The following DNAJB6 variants were observed in gnomAD, a reference collection of about 807,000 sequenced individuals.
DNAJB6 encodes the protein dnaJ homolog subfamily B member 6.
DNAJB6 carries 16 observed loss-of-function variants against 42.7 expected under a neutral mutation model. That is an observed-to-expected ratio of 0.37 (90% confidence interval 0.25 to 0.57). DNAJB6 has a LOEUF of 0.57. DNAJB6 is among the 20% of genes least tolerant of loss of function. DNAJB6 has a pLI of 0.74. For synonymous variants in DNAJB6, 170 were observed against 163.5 expected (o/e 1.04, Z -0.30); for missense variants, 347 against 416.8 (o/e 0.83, Z 1.46).
intron 5 of DNAJB6, chr7:157,369,085 A>C (rs1219976490): frequency 1.6e-5 from 6 of 365,118 alleles, no homozygotes; most frequent in Non-Finnish European, 3.2e-5. Flanking sequence ...CAGTGGCCTC[A>C]AGCATTTTCA....
chr7:157,352,104 A>G (rs1184563863), intron 1 of DNAJB6, among the ~76,000 whole-genome samples: 1 of 151,780 alleles, frequency 6.6e-6, no homozygotes, highest in Non-Finnish European at 1.5e-5. Context: ...GGCTGAGGTG[A>G]GCGGATAACG....
At chr7:157,362,877 A>G (rs1799673525) in intron 2 of DNAJB6, among the ~76,000 whole-genome samples, 2 of 152,190 alleles carry the variant, frequency 1.3e-5, no homozygotes, top group African/African-American at 2.4e-5. Flanking sequence ...TGGTGTGATC[A>G]TAGCTCACTG....
chr7:157,370,708 C>G (rs1000697851), intron 5 of DNAJB6: 5 of 152,624 alleles, frequency 3.3e-5, no homozygotes, highest in Non-Finnish European at 7.3e-5. Flanking sequence ...AGACCAGGTA[C>G]CCTGTGTTTC....
intron 8 of DNAJB6, among the ~76,000 whole-genome samples, chr7:157,397,998 C>T (rs560864988): frequency 2.0e-5 from 3 of 152,212 alleles, no homozygotes; most frequent in African/African-American, 4.8e-5. Flanking sequence ...GGCAGCAGAG[C>T]GAGACTCTTG....
At chr7:157,372,792 A>C (rs1800281395) in intron 5 of DNAJB6, among the ~76,000 whole-genome samples, 1 of 152,154 alleles carries the variant, frequency 6.6e-6, no homozygotes, top group South Asian at 2.1e-4. Context: ...TGTGAGACCC[A>C]GGTATTGCAG....
At chr7:157,365,172 T>C (rs1461725308) in intron 3 of DNAJB6, among the ~76,000 whole-genome samples, 4 of 152,260 alleles carry the variant, frequency 2.6e-5, no homozygotes. Context: ...CAGGCTGGTC[T>C]TGAACTCCTG....
In DNAJB6 at chr7:157,390,911, C is replaced by G. The variant is rs73505221; in HGVS notation, c.691+5300C>G. On this transcript the variant is annotated intron_variant, in intron 8 of 9. Transcript: ENST00000262177. ...AGTACAGTGGTGCAGTCACAGCTCT[C>G]TGTAGCCTTCAACTCCTGGGCTCAA... 5.2e-3 allele frequency among the ~76,000 whole-genome samples: 798 copies of G among 152,314 alleles called. 6 individuals are homozygous for G. The highest frequency in any genetic ancestry group is 0.018 in the African/African-American group (764 of 41,558).
Position 157,355,781 on chromosome 7 carries a change from A to G in DNAJB6, c.-26-2766A>G, listed in dbSNP as rs116449923. On this transcript the variant is annotated intron_variant, in intron 1 of 9. Transcript: ENST00000262177. ...GTAGGGTAGCCTTCATTTGGTAAGG[A>G]AACTAGCCATTTGATGGAGTGCTGC... 4.2e-3 allele frequency among the ~76,000 whole-genome samples: 645 copies of G among 152,250 alleles called. 5 individuals carry two copies. The highest frequency in any genetic ancestry group is 0.015 in the African/African-American group (615 of 41,546).
At chr7:157,395,192 G>A (rs759737615) in intron 8 of DNAJB6, among the ~76,000 whole-genome samples, 1 of 152,184 alleles carries the variant, frequency 6.6e-6, no homozygotes, top group Non-Finnish European at 1.5e-5. Flanking sequence ...ATACTTGAGA[G>A]CACTACGTTT....
At chr7:157,386,993 A>T (rs1801096233) in intron 8 of DNAJB6, among the ~76,000 whole-genome samples, 1 of 152,170 alleles carries the variant, frequency 6.6e-6, no homozygotes. Context: ...GTGAATATTG[A>T]ACTAGACTTT....
chr7:157,342,402 A>G (rs1798444925), intron 1 of DNAJB6, among the ~76,000 whole-genome samples: 1 of 130,940 alleles, frequency 7.6e-6, no homozygotes, highest in African/African-American at 3.0e-5. Context: ...CAGTGGTGCA[A>G]TCTCAGCTCA....
At chr7:157,339,027 AT>A (rs1798199912) in intron 1 of DNAJB6, among the ~76,000 whole-genome samples, 1 of 152,138 alleles carries the variant, frequency 6.6e-6, no homozygotes, top group African/African-American at 2.4e-5. Flanking sequence ...TTGGGAAGTA[AT>A]TCTGGCTGTA....
intron 5 of DNAJB6, among the ~76,000 whole-genome samples, chr7:157,374,295 C>T (rs1320064587): frequency 2.0e-5 from 3 of 152,172 alleles, no homozygotes; most frequent in Non-Finnish European, 1.5e-5. Context: ...GAGTCTCACT[C>T]TGTCGCCCAG....
intron 1 of DNAJB6, among the ~76,000 whole-genome samples, chr7:157,348,135 C>T (rs868724219): frequency 1.3e-5 from 2 of 150,626 alleles, no homozygotes; most frequent in African/African-American, 4.9e-5. Context: ...CTCTGTGGCT[C>T]AGGCTGGAGT....
chr7:157,400,303 G>C (rs375096899), intron 8 of DNAJB6, among the ~76,000 whole-genome samples: 2 of 149,576 alleles, frequency 1.3e-5, no homozygotes, highest in African/African-American at 5.0e-5. Context: ...CTTCGTGTAC[G>C]CACTTGTACG....
chr7:157,357,944 G>T (rs888886327), intron 1 of DNAJB6, among the ~76,000 whole-genome samples: 1 of 152,210 alleles, frequency 6.6e-6, no homozygotes, highest in African/African-American at 2.4e-5. Context: ...TAGAGGAATG[G>T]ATGGGAGCTT....
At chr7:157,403,719 A>G (rs867721988) in intron 8 of DNAJB6, among the ~76,000 whole-genome samples, 58 of 152,308 alleles carry the variant, frequency 3.8e-4, no homozygotes, top group African/African-American at 1.4e-3. Flanking sequence ...TAGCTGAGTG[A>G]TTTTGGGGTC....
intron 1 of DNAJB6, among the ~76,000 whole-genome samples, chr7:157,347,817 T>G (rs1490956722): frequency 2.6e-5 from 4 of 152,280 alleles, no homozygotes; most frequent in Middle Eastern, 3.4e-3. Context: ...TTTTTTTGAG[T>G]TGGAGTCTCG....
intron 9 of DNAJB6, chr7:157,413,614 G>A (rs912216983): frequency 3.3e-5 from 5 of 151,958 alleles, no homozygotes; most frequent in East Asian, 1.9e-4. Flanking sequence ...GCGGTCCCAC[G>A]AAGTCCCAGA....
Sources: gnomAD v4.1 joint callset for allele counts (sites outside exome capture counted in the v4.1 genomes callset) on GRCh38, gnomAD v4.1.1 for gene constraint, MANE v1.5 for transcripts, NCBI Gene and HGNC (gene_info 2026-07-23, HGNC 2026-07-21) for gene names.